Variants in DOCK3 observed in about 807,000 individuals in gnomAD.
DOCK3 encodes the protein dedicator of cytokinesis 3.
A neutral mutation model predicts 265.6 loss-of-function variants in DOCK3; 60 were observed. The observed-to-expected ratio is 0.23, with a 90% CI of 0.18 to 0.28. The LOEUF is 0.28. Among genes scored for constraint, DOCK3 ranks in the 10% least tolerant of loss-of-function variants. The probability of loss-of-function intolerance (pLI) is 1.00; values close to 1 mark genes in which losing one functional copy is unlikely to be tolerated. For synonymous variants in DOCK3, 881 were observed against 938.0 expected (o/e 0.94, Z 1.11); for missense variants, 1,981 against 2,594.3 (o/e 0.76, Z 5.14).
In DOCK3 at chr3:51,312,040, A is replaced by G. The variant is rs189250699; in HGVS notation, c.3054A>G (p.Ala1018=). 36 of 1,607,036 alleles carry G rather than the reference A, an allele frequency of 2.2e-5. No individual in the cohort carries two copies. The African/African-American group carries it at 4.3e-4, about 19-fold the overall frequency. The change falls in exon 29 of 53, where the codon GCA becomes GCG. Residue 1018 remains alanine (A), a synonymous_variant. Transcript: ENST00000266037. The part of the protein sequence containing the change: ...IVTTVQYLSS[A]LHKNFTETDF... Reference sequence around the variant, plus strand: ...CTACTGTCCAGTACCTGTCCTCTGCACTGCACAAGAATTTCACAGAGACTG... The same window carrying G: ...CTACTGTCCAGTACCTGTCCTCTGCGCTGCACAAGAATTTCACAGAGACTG...
intron 5 of DOCK3, among the ~76,000 whole-genome samples, chr3:50,967,828 T>C (rs1421058485): frequency 6.6e-6 from 1 of 152,074 alleles, no homozygotes; most frequent in Non-Finnish European, 1.5e-5. Context: ...CCATGACATG[T>C]GGGGATTATG....
At chr3:51,323,597 C>T (rs1434608904) in intron 32 of DOCK3, among the ~76,000 whole-genome samples, 1 of 152,040 alleles carries the variant, frequency 6.6e-6, no homozygotes, top group Non-Finnish European at 1.5e-5. Context: ...GGGTTAATAA[C>T]AAAATGAAGG....
chr3:51,117,399 C>A (rs1560085260), intron 9 of DOCK3, among the ~76,000 whole-genome samples: 1 of 152,150 alleles, frequency 6.6e-6, no homozygotes, highest in Non-Finnish European at 1.5e-5. Flanking sequence ...CATCGATGTT[C>A]ATCAGGGATA....
At chr3:51,056,797 A>G (rs1209631443) in intron 5 of DOCK3, among the ~76,000 whole-genome samples, 1 of 152,182 alleles carries the variant, frequency 6.6e-6, no homozygotes, top group Non-Finnish European at 1.5e-5. Context: ...CCATCTACTT[A>G]TGTATAAAGG....
At chr3:51,360,860 G>C (rs1454416084) in intron 47 of DOCK3, among the ~76,000 whole-genome samples, 1 of 152,204 alleles carries the variant, frequency 6.6e-6, no homozygotes, top group East Asian at 1.9e-4. Context: ...GGGGGCATTT[G>C]GGGTAAGTCT....
chr3:51,064,383 C>G lies in DOCK3; in HGVS notation c.316-65C>G, dbSNP rs2109272597. 1.9e-6 allele frequency: 3 copies of G among 1,586,704 alleles called. No homozygotes were observed. In the East Asian group the frequency reaches 6.7e-5, roughly 36 times the overall value. ...CACTTTTCATAGTTTAACTATTTCTCTTTTTCTTTTCATTCCTTTTCCATG... is the reference window on the plus strand; with the variant it reads ...CACTTTTCATAGTTTAACTATTTCTGTTTTTCTTTTCATTCCTTTTCCATG... On this transcript the variant is annotated intron_variant, in intron 5 of 52. Coordinates refer to ENST00000266037, the MANE Select transcript of DOCK3 (RefSeq NM_004947.5).
chr3:51,268,322 T>C (rs967301595), intron 23 of DOCK3, among the ~76,000 whole-genome samples: 1 of 152,152 alleles, frequency 6.6e-6, no homozygotes, highest in African/African-American at 2.4e-5. Context: ...AGTGAAACTC[T>C]GTCTCAAAAA....
chr3:51,248,271 C>T (rs954357401), intron 22 of DOCK3, among the ~76,000 whole-genome samples: 3 of 152,244 alleles, frequency 2.0e-5, no homozygotes, highest in Non-Finnish European at 2.9e-5. Context: ...CAGAGTGAGA[C>T]TCCATCTTAA....
chr3:50,864,607 A>C (rs2047057371), intron 3 of DOCK3, among the ~76,000 whole-genome samples: 2 of 151,554 alleles, frequency 1.3e-5, no homozygotes, highest in African/African-American at 2.4e-5. Context: ...ATCCATTTTG[A>C]GTTGATTTTT....
intron 5 of DOCK3, among the ~76,000 whole-genome samples, chr3:50,975,126 C>A: frequency 6.7e-6 from 1 of 148,210 alleles, no homozygotes; most frequent in South Asian, 2.2e-4. Flanking sequence ...ATTGAATACC[C>A]TTTATTTCCT....
chr3:51,135,212 T>A (rs536686349), intron 9 of DOCK3, among the ~76,000 whole-genome samples: 3 of 152,336 alleles, frequency 2.0e-5, no homozygotes, highest in African/African-American at 7.2e-5. Context: ...CTGGTTGATA[T>A]AACCACATCC....
At chr3:50,694,580 G>A (rs1388304889) in intron 1 of DOCK3, among the ~76,000 whole-genome samples, 1 of 152,168 alleles carries the variant, frequency 6.6e-6, no homozygotes, top group Non-Finnish European at 1.5e-5. Context: ...AGGCCAAAGC[G>A]GGCAGATCAC....
At chr3:51,305,735 CGTGT>C (rs113288288) in intron 27 of DOCK3, among the ~76,000 whole-genome samples, 16 of 137,758 alleles carry the variant, frequency 1.2e-4, no homozygotes, top group Middle Eastern at 3.5e-3. Context: ...TGTGTGTGCG[CGTGT>C]GTGTGTGTGT....
chr3:51,102,294 A>G (rs1306237937), intron 9 of DOCK3, among the ~76,000 whole-genome samples: 1 of 152,242 alleles, frequency 6.6e-6, no homozygotes, highest in African/African-American at 2.4e-5. Context: ...AGGATTTATT[A>G]AAGATCATCT....
chr3:50,722,567 T>G (rs1194030778), intron 1 of DOCK3, among the ~76,000 whole-genome samples: 3 of 152,060 alleles, frequency 2.0e-5, no homozygotes, highest in African/African-American at 7.2e-5. Context: ...TGTCATACAG[T>G]AAAAAGCTAT....
At chr3:51,217,349 A>G (rs2089844780) in intron 14 of DOCK3, among the ~76,000 whole-genome samples, 1 of 152,170 alleles carries the variant, frequency 6.6e-6, no homozygotes, top group South Asian at 2.1e-4. Context: ...AGCATGAGAT[A>G]TTCTGCTCTG....
intron 1 of DOCK3, among the ~76,000 whole-genome samples, chr3:50,743,634 A>G (rs1285136468): frequency 6.6e-6 from 1 of 152,146 alleles, no homozygotes; most frequent in African/African-American, 2.4e-5. Flanking sequence ...CAACAAGAAG[A>G]GCTAACTATC....
rs962822059 is a variant in DOCK3 at position 50,803,380 on chromosome 3, C to A, written c.121+24622C>A. The stretch of plus-strand genomic sequence containing the variant: ...GACACAGCACATGTTTCAGAGAGCA[C>A]GGGGTTGGGGGTAAGGCCATAGATT... On this transcript the variant is annotated intron_variant, in intron 2 of 52. Transcript: ENST00000266037. 1.6e-4 allele frequency among the ~76,000 whole-genome samples: 24 copies of A among 152,224 alleles called. No individual in the cohort carries two copies. The East Asian group carries it at 3.7e-3, about 23-fold the overall frequency.
intron 32 of DOCK3, among the ~76,000 whole-genome samples, chr3:51,322,312 C>T (rs1000064136): frequency 2.6e-5 from 4 of 152,150 alleles, no homozygotes; most frequent in Non-Finnish European, 5.9e-5. Flanking sequence ...ATGCCATTCT[C>T]CTGCCTCAGC....
Sources: gnomAD v4.1 joint callset for allele counts (sites outside exome capture counted in the v4.1 genomes callset) on GRCh38, gnomAD v4.1.1 for gene constraint, MANE v1.5 for transcripts, NCBI Gene and HGNC (gene_info 2026-07-23, HGNC 2026-07-21) for gene names.